Variants in BPI observed in about 807,000 individuals in gnomAD.
BPI encodes bactericidal permeability increasing protein, also known as bactericidal permeability-increasing protein.
Under a neutral mutation model 57.6 loss-of-function variants are expected in BPI, and 48 were observed. That is an observed-to-expected ratio of 0.83 (90% CI 0.66 to 1.06). The LOEUF (loss-of-function observed/expected upper bound fraction) is 1.06. Ranked by LOEUF, BPI falls within the 50% of genes least tolerant of loss-of-function variation. BPI has a pLI of 0.00. For synonymous variants in BPI, 237 were observed against 238.2 expected (o/e 0.99, Z 0.05); for missense variants, 651 against 609.7 (o/e 1.07, Z -0.71).
At chr20:38,317,742 T>C (rs1347079498) in intron 5 of BPI, 3 of 1,170,634 alleles carry the variant, frequency 2.6e-6, no homozygotes, top group Non-Finnish European at 3.7e-6. Context: ...GAAAATGTAA[T>C]TTGCCATGTT....
intron 9 of BPI, among the ~76,000 whole-genome samples, chr20:38,325,567 ACTCACTTAAC>A (rs1350400004): frequency 6.6e-6 from 1 of 152,120 alleles, no homozygotes; most frequent in East Asian, 1.9e-4. Flanking sequence ...ACTGTTATGA[ACTCACTTAAC>A]CTCAGTTACT....
chr20:38,327,597 G>A lies in BPI; in HGVS notation c.1171G>A (p.Gly391Ser). 1 of 1,613,306 alleles carries A rather than the reference G, an allele frequency of 6.2e-7. No individual in the cohort carries two copies. The part of the protein sequence containing the change: ...SLFLIGMHTT[G>S]SMEVSAESNR... ...GTTGTTGTTTTGGCAGCACACAACT[G>A]GTTCCATGGAGGTCAGCGCCGAGTC... The change falls in exon 11 of 15, where the codon GGT (glycine) becomes AGT (serine). Residue 391 changes from glycine to serine, a missense_variant. By Grantham distance (56) the Gly-to-Ser change is moderately conservative. Coordinates refer to ENST00000642449, the MANE Select transcript of BPI (RefSeq NM_001725.3).
At chr20:38,334,809 A>T (rs2076759134) in intron 13 of BPI, among the ~76,000 whole-genome samples, 1 of 152,208 alleles carries the variant, frequency 6.6e-6, no homozygotes, top group African/African-American at 2.4e-5. Flanking sequence ...CTTAGGTCAC[A>T]GAGCAGGCAA....
intron 9 of BPI, 40 bp from the exon 10 acceptor site, chr20:38,326,225 A>T: frequency 6.3e-7 from 1 of 1,580,788 alleles, no homozygotes; most frequent in Non-Finnish European, 8.6e-7. Context: ...TTTTAACAGA[A>T]ACTCCTCCTT....
intron 7 of BPI, chr20:38,321,668 G>A (rs1230639654): frequency 6.6e-6 from 1 of 151,742 alleles, no homozygotes; most frequent in East Asian, 1.9e-4. Flanking sequence ...CATTCAATGT[G>A]AAAAAGAAAC....
At position 38,326,203 on chromosome 20, in the gene BPI, G is replaced by C. The variant is rs571648809; in HGVS notation, c.994-62G>C. On this transcript the variant is annotated intron_variant, in intron 9 of 14. Coordinates refer to ENST00000642449, the MANE Select transcript of BPI (RefSeq NM_001725.3). The stretch of plus-strand genomic sequence containing the variant: ...TTTAAGTAGGGGCAGGCCAAGGTAG[G>C]ATTCAGAAACATTTTAACAGAAACT... 66 of 1,527,410 alleles carry C rather than the reference G, an allele frequency of 4.3e-5. No individual in the cohort carries two copies. In the East Asian group the frequency reaches 1.2e-3, roughly 29 times the overall value. 94.6% of individuals were successfully genotyped at this position (1,527,410 alleles called of 1,614,324 possible).
chr20:38,322,771 G>A (rs1291887630), intron 7 of BPI, among the ~76,000 whole-genome samples: 1 of 152,160 alleles, frequency 6.6e-6, no homozygotes, highest in East Asian at 1.9e-4. Context: ...ACCACGCCTG[G>A]CTAATTTTTT....
chr20:38,335,456 G>A, intron 13 of BPI, 142 bp from the exon 14 acceptor site: 1 of 723,264 alleles, frequency 1.4e-6, no homozygotes. Flanking sequence ...CTTCCTTTCA[G>A]GCATGTATGC....
chr20:38,324,975 CT>C (rs2076705143), intron 9 of BPI, 142 bp downstream of exon 9: 1 of 696,042 alleles, frequency 1.4e-6, no homozygotes, highest in African/African-American at 1.8e-5. Flanking sequence ...GTGGAAATAG[CT>C]TCATCCACAG....
rs2122551491 is a variant in BPI at position 38,327,469 on chromosome 20, T to C, written c.1162-119T>C. On this transcript the variant is annotated intron_variant, in intron 10 of 14. Coordinates refer to ENST00000642449, the MANE Select transcript of BPI (RefSeq NM_001725.3). Reference sequence around the variant, plus strand: ...CCCCACTCCTCTGGCTCTGTGGGCCTGACCCCACAGTGTATGCTGCCCTGC... The same window carrying C: ...CCCCACTCCTCTGGCTCTGTGGGCCCGACCCCACAGTGTATGCTGCCCTGC... 6 of 1,076,940 alleles carry C rather than the reference T, an allele frequency of 5.6e-6. No individual in the cohort carries two copies. The South Asian group carries it at 8.4e-5, about 15-fold the overall frequency. The allele number at this position is 1,076,940 out of a possible 1,614,324, so 66.7% of individuals were successfully genotyped here.
At chr20:38,307,481 G>A (rs1342454385) in intron 1 of BPI, 86 bp from the exon 2 acceptor site, 2 of 935,560 alleles carry the variant, frequency 2.1e-6, no homozygotes, top group Non-Finnish European at 3.2e-6. Context: ...CTACGAACAG[G>A]GGCCCAGGGT....
At chr20:38,336,297 T>C (rs549220392) in intron 14 of BPI, among the ~76,000 whole-genome samples, 4 of 152,196 alleles carry the variant, frequency 2.6e-5, no homozygotes, top group South Asian at 2.1e-4. Context: ...TCCCCCGCCA[T>C]TGGCAAGCCT....
chr20:38,332,111 G>C (rs955668277), intron 12 of BPI, among the ~76,000 whole-genome samples: 20 of 152,296 alleles, frequency 1.3e-4, no homozygotes, highest in African/African-American at 4.6e-4. Context: ...GAGCAAGTAG[G>C]GGGCATCGGA....
chr20:38,321,291 A>G (rs971308227), intron 7 of BPI, among the ~76,000 whole-genome samples: 2 of 150,096 alleles, frequency 1.3e-5, no homozygotes, highest in Non-Finnish European at 3.0e-5. Context: ...TGGTGGGTGG[A>G]TGGATGGATG....
intron 10 of BPI, 112 bp downstream of exon 10, chr20:38,326,544 C>T: frequency 2.3e-6 from 3 of 1,289,126 alleles, no homozygotes; most frequent in Non-Finnish European, 2.1e-6. Flanking sequence ...TGGACTGTGT[C>T]ACTCCGGAGC....
At chr20:38,311,463 T>G (rs2076621541) in intron 4 of BPI, among the ~76,000 whole-genome samples, 1 of 152,262 alleles carries the variant, frequency 6.6e-6, no homozygotes, top group Non-Finnish European at 1.5e-5. Context: ...CTTGGTGAAA[T>G]GACATTTGAA....
intron 1 of BPI, among the ~76,000 whole-genome samples, chr20:38,305,047 G>A (rs952137517): frequency 5.3e-5 from 8 of 152,242 alleles, no homozygotes; most frequent in African/African-American, 1.4e-4. Context: ...GGGGTTGCTC[G>A]ATGCTGCCTC....
chr20:38,324,861 G>C, intron 9 of BPI, 28 bp downstream of exon 9: 1 of 1,573,276 alleles, frequency 6.4e-7, no homozygotes, highest in East Asian at 2.2e-5. Context: ...TTCCTTTAGT[G>C]AGCCCCGGGG....
intron 5 of BPI, 60 bp from the exon 6 acceptor site, chr20:38,318,353 G>T: frequency 6.5e-7 from 1 of 1,529,138 alleles, no homozygotes; most frequent in Non-Finnish European, 9.1e-7. Context: ...GCCCGTTATT[G>T]TCAAGGGACA....
Sources: gnomAD v4.1 joint callset for allele counts (sites outside exome capture counted in the v4.1 genomes callset) on GRCh38, gnomAD v4.1.1 for gene constraint, MANE v1.5 for transcripts, NCBI Gene and HGNC (gene_info 2026-07-23, HGNC 2026-07-21) for gene names.